Variants in GABRA2 observed in about 807,000 individuals in gnomAD.
The protein encoded by GABRA2 is gamma-aminobutyric acid type A receptor subunit alpha2.
Under a neutral mutation model 48.7 loss-of-function variants are expected in GABRA2, and 16 were observed. That is an observed-to-expected ratio of 0.33 (90% CI 0.22 to 0.50). The LOEUF (loss-of-function observed/expected upper bound fraction) is 0.50, where lower values mean the gene tolerates loss of function less well. Ranked by LOEUF, GABRA2 falls within the 20% of genes least tolerant of loss-of-function variation. The probability of loss-of-function intolerance (pLI) is 0.98; values close to 1 mark genes in which losing one functional copy is unlikely to be tolerated. For missense variants in GABRA2, 275 were observed against 535.6 expected (o/e 0.51, Z 4.80); for synonymous variants, 185 against 184.5 (o/e 1.00, Z -0.02).
At chr4:46,329,634 C>T (rs1730996318) in intron 4 of GABRA2, among the ~76,000 whole-genome samples, 2 of 152,112 alleles carry the variant, frequency 1.3e-5, no homozygotes, top group Non-Finnish European at 2.9e-5. Flanking sequence ...ATTCTATCTG[C>T]ATTTCTTAAT....
chr4:46,390,061 G>GC lies in GABRA2; in HGVS notation c.-338_-337insG, dbSNP rs1173043398. On this transcript the variant is annotated 5_prime_UTR_variant, in exon 1 of 10. Transcript: ENST00000381620. The stretch of plus-strand genomic sequence containing the variant: ...CGATGACAGGAGCTGGGGCCGGGGG[G>GC]GGAAATTGGGGGGACGCGGGCGGAG... 1.7e-4 allele frequency: 35 copies of GC among 208,246 alleles called. No individual in the cohort carries two copies. Among genetic ancestry groups the GC allele is most frequent in the Middle Eastern group, 2.4e-3 (1 of 422 alleles). 12.9% of individuals were successfully genotyped at this position (208,246 alleles called of 1,614,324 possible).
intron 3 of GABRA2, chr4:46,364,920 C>T (rs1713807566): frequency 6.6e-6 from 1 of 152,072 alleles, no homozygotes; most frequent in Non-Finnish European, 1.5e-5. Flanking sequence ...TTGGGGATAG[C>T]CTAGAATTCT....
At chr4:46,324,210 G>A (rs568421078) in intron 4 of GABRA2, among the ~76,000 whole-genome samples, 25 of 151,918 alleles carry the variant, frequency 1.6e-4, no homozygotes, top group African/African-American at 4.8e-4. Flanking sequence ...TGGTTTTACC[G>A]TAATAGATGA....
At chr4:46,276,697 T>C (rs980407303) in intron 8 of GABRA2, among the ~76,000 whole-genome samples, 1 of 152,094 alleles carries the variant, frequency 6.6e-6, no homozygotes, top group African/African-American at 2.4e-5. Flanking sequence ...AAATTTTCTC[T>C]TTGGTGCTGA....
chr4:46,318,035 C>A (rs1728836556), intron 4 of GABRA2, among the ~76,000 whole-genome samples: 1 of 151,404 alleles, frequency 6.6e-6, no homozygotes, highest in Non-Finnish European at 1.5e-5. Flanking sequence ...TAGCCAATGA[C>A]ACATTTCTTA....
chr4:46,376,665 T>C (rs144537789), intron 3 of GABRA2, among the ~76,000 whole-genome samples: 7 of 152,128 alleles, frequency 4.6e-5, no homozygotes, highest in East Asian at 1.9e-4. Context: ...AGTGGGAGGA[T>C]CACTTGAAGC....
intron 3 of GABRA2, among the ~76,000 whole-genome samples, chr4:46,361,189 T>A (rs974094524): frequency 6.6e-6 from 1 of 152,092 alleles, no homozygotes; most frequent in Non-Finnish European, 1.5e-5. Flanking sequence ...GGGGAAAATG[T>A]CTCCTGGGCA....
intron 7 of GABRA2, among the ~76,000 whole-genome samples, chr4:46,304,651 C>T (rs928513226): frequency 6.6e-5 from 10 of 151,906 alleles, no homozygotes; most frequent in South Asian, 2.1e-4. Flanking sequence ...ACTTGTTGGC[C>T]GGGCGCACTG....
In GABRA2 at chr4:46,267,398, C is replaced by A. The variant is rs530407315; in HGVS notation, c.857-5270G>T. Among the ~76,000 whole-genome samples, 8 of 152,054 alleles carry A rather than the reference C, an allele frequency of 5.3e-5. No homozygotes were observed. In the South Asian group the frequency reaches 1.7e-3, roughly 32 times the overall value. On this transcript the variant is annotated intron_variant, in intron 8 of 9. Coordinates refer to ENST00000381620, the MANE Select transcript of GABRA2 (RefSeq NM_000807.4). ...TCTTTCGACAGGGTCTCCTTTAGCT[C>A]TTTTATCATAGTTAGCACAGTTAAA...
intron 8 of GABRA2, among the ~76,000 whole-genome samples, chr4:46,281,380 G>A (rs1276408928): frequency 1.3e-5 from 2 of 152,210 alleles, no homozygotes; most frequent in East Asian, 3.9e-4. Flanking sequence ...AAAAAATAAT[G>A]GCTAAAATTT....
chr4:46,322,584 A>G (rs1729640519), intron 4 of GABRA2, among the ~76,000 whole-genome samples: 1 of 152,006 alleles, frequency 6.6e-6, no homozygotes, highest in South Asian at 2.1e-4. Context: ...AGTCTTCTCT[A>G]TCCCCTCCCT....
chr4:46,356,164 T>C (rs1176193125), intron 3 of GABRA2, among the ~76,000 whole-genome samples: 3 of 152,162 alleles, frequency 2.0e-5, no homozygotes, highest in Non-Finnish European at 2.9e-5. Context: ...CATTGCCCCA[T>C]TGTGCTCCTC....
chr4:46,319,846 T>C (rs3775282), intron 4 of GABRA2, among the ~76,000 whole-genome samples: 19,211 of 151,784 alleles, frequency 0.13, 1,407 homozygotes, highest in Middle Eastern at 0.21. Flanking sequence ...TGATTCATAG[T>C]TATAGTAGAC....
In GABRA2 at chr4:46,244,901, CTTGT is replaced by C. The variant is rs202009885; in HGVS notation, c.*5403_*5406del. ...TTTATTGTTGAGTGTTTGCTTTTTA[CTTGT>C]TTGTTTTGTTATGTAGAAAACCATG... On this transcript the variant is annotated 3_prime_UTR_variant, in exon 10 of 10. Coordinates refer to ENST00000381620, the MANE Select transcript of GABRA2 (RefSeq NM_000807.4). 5.7e-3 allele frequency among the ~76,000 whole-genome samples: 856 copies of C among 151,334 alleles called. 12 individuals are homozygous for C. The highest frequency in any genetic ancestry group is 0.019 in the African/African-American group (808 of 41,456).
Position 46,250,389 on chromosome 4 carries a change from A to G in GABRA2, c.1275T>C (p.Phe425=), listed in dbSNP as rs1362478520. ...AATTAAAGGTACCAAACAAAACTGG[A>G]AAAACTATTCTGGACATTCTGTCAA... ...SKIDRMSRIV[F]PVLFGTFNLV... is the part of the protein sequence containing the mutation. The change falls in exon 10 of 10, where the codon TTT becomes TTC. Residue 425 remains phenylalanine (F), a synonymous_variant. Coordinates refer to ENST00000381620, the MANE Select transcript of GABRA2 (RefSeq NM_000807.4). 1 of 1,611,524 alleles carries G rather than the reference A, an allele frequency of 6.2e-7. No homozygotes were observed. Among genetic ancestry groups the G allele is most frequent in the Non-Finnish European group, 8.5e-7 (1 of 1,178,444 alleles).
At chr4:46,256,036 G>T (rs915902796) in intron 9 of GABRA2, among the ~76,000 whole-genome samples, 1 of 151,370 alleles carries the variant, frequency 6.6e-6, no homozygotes, top group African/African-American at 2.4e-5. Context: ...GTCTCCAAAG[G>T]GCAAATCTAT....
intron 8 of GABRA2, among the ~76,000 whole-genome samples, chr4:46,283,004 G>A (rs1354148840): frequency 6.6e-6 from 1 of 152,142 alleles, no homozygotes; most frequent in Admixed American, 6.5e-5. Context: ...AAAAGGCCAG[G>A]TTTTGAACCA....
chr4:46,258,742 T>A (rs1018123211), intron 9 of GABRA2, among the ~76,000 whole-genome samples: 2 of 151,842 alleles, frequency 1.3e-5, no homozygotes, highest in African/African-American at 4.8e-5. Flanking sequence ...GTTGCTGTGC[T>A]GGGCCTGAAG....
chr4:46,270,451 A>C (rs1719105830), intron 8 of GABRA2, among the ~76,000 whole-genome samples: 1 of 151,928 alleles, frequency 6.6e-6, no homozygotes, highest in African/African-American at 2.4e-5. Flanking sequence ...CTCTACCAAC[A>C]ATGTGCATTT....
Sources: gnomAD v4.1 joint callset for allele counts (sites outside exome capture counted in the v4.1 genomes callset) on GRCh38, gnomAD v4.1.1 for gene constraint, MANE v1.5 for transcripts, NCBI Gene and HGNC (gene_info 2026-07-23, HGNC 2026-07-21) for gene names.